The following TRIM22 variants were observed in gnomAD, a reference collection of about 807,000 sequenced individuals.
The protein encoded by TRIM22 is tripartite motif containing 22.
A neutral mutation model predicts 53.6 loss-of-function variants in TRIM22; 45 were observed. The ratio of observed to expected loss-of-function variants is 0.84; its 90% CI spans 0.66 to 1.08. The LOEUF (loss-of-function observed/expected upper bound fraction) is 1.08. Ranked by LOEUF, TRIM22 falls within the 50% of genes least tolerant of loss-of-function variation. The pLI, the probability that TRIM22 is intolerant of heterozygous loss-of-function variation, is 0.00. For synonymous variants in TRIM22, 225 were observed against 216.6 expected (o/e 1.04, Z -0.34); for missense variants, 616 against 590.9 (o/e 1.04, Z -0.44).
At chr11:5,694,587 C>A (rs574217023) in intron 1 of TRIM22, among the ~76,000 whole-genome samples, 16 of 152,268 alleles carry the variant, frequency 1.1e-4, no homozygotes, top group Admixed American at 5.9e-4. Flanking sequence ...ACCTTGGGGA[C>A]AATACATTCA....
chr11:5,708,039 T>A (rs1230421493), intron 5 of TRIM22, 134 bp from the exon 6 acceptor site: 1 of 647,072 alleles, frequency 1.5e-6, no homozygotes, highest in Non-Finnish European at 2.7e-6. Context: ...GTGTCAGGCA[T>A]CTCCCCTCTA....
In TRIM22 at chr11:5,698,386, G is replaced by A; in HGVS notation, c.591G>A (p.Glu197=). 6.2e-7 allele frequency: 1 copy of A among 1,614,240 alleles called. No individual in the cohort carries two copies. The highest frequency in any genetic ancestry group is 8.5e-7 in the Non-Finnish European group (1 of 1,180,050). ...AAATGAGAGTCATCTTGGACAATGAGGAGCAGAGAGAGCTGCAAAAGCTGG... is the reference window on the plus strand; with the variant it reads ...AAATGAGAGTCATCTTGGACAATGAAGAGCAGAGAGAGCTGCAAAAGCTGG... ...FNEMRVILDN[E]EQRELQKLEE... Residue 197 remains glutamate, a synonymous_variant, in exon 4 of 8, where the codon GAG becomes GAA. Coordinates refer to ENST00000379965, the MANE Select transcript of TRIM22 (RefSeq NM_006074.5).
At chr11:5,690,914 G>C (rs1853162790) in intron 1 of TRIM22, 1 of 152,252 alleles carries the variant, frequency 6.6e-6, no homozygotes, top group Non-Finnish European at 1.5e-5. Flanking sequence ...TCAGAAGTAA[G>C]GCCCTTTTGA....
chr11:5,690,678 C>A (rs1409524493), intron 1 of TRIM22, among the ~76,000 whole-genome samples: 2 of 152,086 alleles, frequency 1.3e-5, no homozygotes, highest in African/African-American at 4.8e-5. Flanking sequence ...CTTATCATAC[C>A]CCACATTCCT....
intron 4 of TRIM22, among the ~76,000 whole-genome samples, chr11:5,701,301 G>A (rs1206187875): frequency 1.3e-5 from 2 of 152,078 alleles, no homozygotes; most frequent in East Asian, 3.9e-4. Context: ...TCCAACTTTT[G>A]GTAGAATTCA....
intron 2 of TRIM22, 111 bp downstream of exon 2, chr11:5,696,766 GC>G: frequency 8.6e-7 from 1 of 1,165,602 alleles, no homozygotes. Context: ...AGAACGGAGA[GC>G]CCTGTGATCT....
Position 5,708,669 on chromosome 11 carries a change from T to C in TRIM22, c.901+66T>C, listed in dbSNP as rs909036554. On this transcript the variant is annotated intron_variant, in intron 7 of 7. Coordinates refer to ENST00000379965, the MANE Select transcript of TRIM22 (RefSeq NM_006074.5). The stretch of plus-strand genomic sequence containing the variant: ...TTGTGGTTACTATTAGATCTCATAA[T>C]CTGAGTCTCATGTGTTCCTCCCCAA... 4 of 1,421,606 alleles carry C rather than the reference T, an allele frequency of 2.8e-6. No individual in the cohort carries two copies. In the Admixed American group the frequency reaches 8.3e-5, roughly 29 times the overall value. 88.1% of individuals were successfully genotyped at this position (1,421,606 alleles called of 1,614,324 possible). A position where few individuals can be genotyped will look rare whatever the true frequency, so the allele number is the denominator to read the frequency against.
At chr11:5,705,224 G>A (rs1363929293) in intron 4 of TRIM22, among the ~76,000 whole-genome samples, 1 of 152,086 alleles carries the variant, frequency 6.6e-6, no homozygotes. Flanking sequence ...TCGATGGTTT[G>A]CATGCCTTAG....
intron 1 of TRIM22, among the ~76,000 whole-genome samples, chr11:5,694,481 ACC>A (rs1272224199): frequency 6.6e-6 from 1 of 152,030 alleles, no homozygotes. Flanking sequence ...CCATTTCTAT[ACC>A]CCCAATAGCA....
In TRIM22 at chr11:5,709,056, A is replaced by G. The variant is rs754371990; in HGVS notation, c.905A>G (p.Asp302Gly). The G allele has an allele frequency of 6.2e-7, 1 of 1,611,438 alleles. No homozygotes were observed. Among genetic ancestry groups the G allele is most frequent in the Non-Finnish European group, 8.5e-7 (1 of 1,177,712 alleles). The change falls in exon 8 of 8, where the codon GAC becomes GGC. Residue 302 changes from aspartate (D) to glycine (G), a missense_variant. Coordinates refer to ENST00000379965, the MANE Select transcript of TRIM22 (RefSeq NM_006074.5). ...GACTTGGTAATTTTTTCTACAGTGG[A>G]CGTGATGCTGAATCCAGGCAGTGCC... Reference protein sequence around the residue: ...ELTDVQYYWVDVMLNPGSATS... With the variant: ...ELTDVQYYWVGVMLNPGSATS...
chr11:5,708,936 A>G, intron 7 of TRIM22, 117 bp from the exon 8 acceptor site: 1 of 825,698 alleles, frequency 1.2e-6, no homozygotes, highest in Non-Finnish European at 1.9e-6. Context: ...ACCTCTGACT[A>G]TCAACACAAG....
At chr11:5,700,827 T>C (rs1029108999) in intron 4 of TRIM22, among the ~76,000 whole-genome samples, 1 of 151,954 alleles carries the variant, frequency 6.6e-6, no homozygotes, top group African/African-American at 2.4e-5. Flanking sequence ...TTTTGCCATG[T>C]TGGGCAGGCT....
intron 1 of TRIM22, among the ~76,000 whole-genome samples, chr11:5,694,000 C>T (rs949555479): frequency 6.6e-6 from 1 of 152,152 alleles, no homozygotes; most frequent in East Asian, 1.9e-4. Flanking sequence ...AGGTGCATCA[C>T]CCTGATCTCT....
intron 4 of TRIM22, among the ~76,000 whole-genome samples, chr11:5,699,220 AT>A (rs572400211): frequency 3.9e-4 from 59 of 152,254 alleles, no homozygotes; most frequent in African/African-American, 1.4e-3. Flanking sequence ...TCTTGAGTAG[AT>A]TTTAAGAGTG....
At position 5,710,821 on chromosome 11, in the gene TRIM22, G is replaced by A. The variant is rs1159984693; in HGVS notation, c.*1173G>A. On this transcript the variant is annotated 3_prime_UTR_variant, in exon 8 of 8. Transcript: ENST00000379965. ...TCTTGGGAAACAATTTTTTGTTTTTGTTCTGTTTTCTTTTTGCTTCAATAA... is the reference window on the plus strand; with the variant it reads ...TCTTGGGAAACAATTTTTTGTTTTTATTCTGTTTTCTTTTTGCTTCAATAA... 6.6e-6 allele frequency: 1 copy of A among 152,046 alleles called. No homozygotes were observed. The highest frequency in any genetic ancestry group is 1.5e-5 in the Non-Finnish European group (1 of 67,992). The allele number at this position is 152,046 out of a possible 1,614,324, so 9.4% of individuals were successfully genotyped here.
intron 4 of TRIM22, among the ~76,000 whole-genome samples, chr11:5,703,611 T>G (rs575508925): frequency 7.2e-5 from 11 of 152,124 alleles, no homozygotes; most frequent in South Asian, 2.1e-4. Flanking sequence ...AGTCTCGATC[T>G]CCTGACCTCG....
intron 1 of TRIM22, among the ~76,000 whole-genome samples, chr11:5,694,826 G>C (rs1354472299): frequency 6.6e-6 from 1 of 152,058 alleles, no homozygotes; most frequent in African/African-American, 2.4e-5. Context: ...TATGTCTTTG[G>C]GGATGGAGTG....
In TRIM22 at chr11:5,696,666, A is replaced by T. The variant is rs1203080829; in HGVS notation, c.423+11A>T. ...GTCAAGGAATGTCAGGTAGGCTCCA[A>T]GATAGAGGAAGAGAGAGCAGAGAGC... On this transcript the variant is annotated intron_variant, in intron 2 of 7. Coordinates refer to ENST00000379965, the MANE Select transcript of TRIM22 (RefSeq NM_006074.5). 1.9e-6 allele frequency: 3 copies of T among 1,598,522 alleles called. No individual in the cohort carries two copies. The highest frequency in any genetic ancestry group is 2.6e-6 in the Non-Finnish European group (3 of 1,175,556).
At chr11:5,694,526 C>A (rs1427368939) in intron 1 of TRIM22, among the ~76,000 whole-genome samples, 1 of 152,132 alleles carries the variant, frequency 6.6e-6, no homozygotes, top group Non-Finnish European at 1.5e-5. Context: ...TAGCCTTTAC[C>A]TTTGTTGTCT....
Sources: allele counts gnomAD v4.1 joint callset (sites outside exome capture counted in the v4.1 genomes callset), GRCh38; gene constraint gnomAD v4.1.1; transcripts MANE v1.5; gene names NCBI Gene and HGNC (gene_info 2026-07-23, HGNC 2026-07-21).